The following HERC1 variants were observed in gnomAD, a reference collection of about 807,000 sequenced individuals.
HERC1 encodes probable E3 ubiquitin-protein ligase HERC1.
A neutral mutation model predicts 554.3 loss-of-function variants in HERC1; 160 were observed. The ratio of observed to expected loss-of-function variants is 0.29; its 90% confidence interval spans 0.25 to 0.33. HERC1 has a LOEUF of 0.33. Among genes scored for constraint, HERC1 ranks in the 10% least tolerant of loss-of-function variants. The pLI is 1.00. For synonymous variants in HERC1, 2,175 were observed against 2,131.7 expected (o/e 1.02, Z -0.56); for missense variants, 4,919 against 5,918.5 (o/e 0.83, Z 5.54).
At chr15:63,623,945 A>T in intron 72 of HERC1, 55 bp from the exon 73 acceptor site, 1 of 1,560,512 alleles carries the variant, frequency 6.4e-7, no homozygotes, top group Non-Finnish European at 8.8e-7. Flanking sequence ...TTTCCCCAAA[A>T]TCACATGATA....
rs1003154737 is a variant in HERC1, at chr15:63,785,497, G to A, written c.-26-9848C>T. On this transcript the variant is annotated intron_variant, in intron 1 of 77. Transcript: ENST00000443617. ...ACTTTAAGAATATTAGGCTGGGCAC[G>A]CTGGCTAACACCTGTAATCCCAAGG... 2.6e-5 allele frequency among the ~76,000 whole-genome samples: 4 copies of A among 152,048 alleles called. No individual in the cohort carries two copies. The South Asian group carries it at 6.2e-4, about 24-fold the overall frequency.
intron 55 of HERC1, among the ~76,000 whole-genome samples, chr15:63,646,917 T>G (rs965673276): frequency 5.3e-5 from 8 of 151,890 alleles, no homozygotes; most frequent in African/African-American, 1.7e-4. Flanking sequence ...AACAGGCATA[T>G]GAAAAAATGC....
intron 1 of HERC1, among the ~76,000 whole-genome samples, chr15:63,784,334 A>G (rs899496532): frequency 3.3e-5 from 5 of 152,216 alleles, no homozygotes; most frequent in Non-Finnish European, 7.3e-5. Context: ...AGAATTCACA[A>G]AACAACTAAA....
At chr15:63,658,776 T>C in intron 47 of HERC1, 58 bp from the exon 48 acceptor site, 1 of 1,356,192 alleles carries the variant, frequency 7.4e-7, no homozygotes, top group East Asian at 2.4e-5. Flanking sequence ...ACATCTGAAC[T>C]ACTAAAAACA....
chr15:63,714,545 G>GT (rs773905620), intron 22 of HERC1, among the ~76,000 whole-genome samples: 18,607 of 95,938 alleles, frequency 0.19, 2,115 homozygotes, highest in Non-Finnish European at 0.22. Flanking sequence ...TCCTTTTTCT[G>GT]TTTTTTTTTT....
intron 70 of HERC1, among the ~76,000 whole-genome samples, chr15:63,627,882 A>G (rs144294726): frequency 3.5e-4 from 53 of 152,352 alleles, no homozygotes; most frequent in African/African-American, 1.3e-3. Context: ...ATAATAAATT[A>G]AAAATAAAAC....
chr15:63,637,748 T>C lies in HERC1; in HGVS notation c.12094-105A>G. On this transcript the variant is annotated intron_variant, in intron 63 of 77. Transcript: ENST00000443617. ...TATACATAGAATGCTTTTATAATTG[T>C]TTTATCCTTTTACTGAAAGGGAAGA... is the stretch of plus-strand genomic sequence containing the variant. 3.1e-6 allele frequency: 3 copies of C among 964,692 alleles called. No individual in the cohort carries two copies. The South Asian group carries it at 6.0e-5, about 19-fold the overall frequency. The allele number at this position is 964,692 out of a possible 1,614,324, so 59.8% of individuals were successfully genotyped here.
Position 63,698,810 on chromosome 15 carries a change from C to T in HERC1, c.4823G>A (p.Gly1608Asp). Residue 1608 changes from glycine to aspartate, a missense_variant, in exon 26 of 78, where the codon GGT becomes GAT. Physicochemically the swap from Gly to Asp is moderately conservative, Grantham distance 94. Transcript: ENST00000443617. ...FVSGDVGNAP[G>D]FKEPEESMST... ...CATACTTTCCTCTGGCTCTTTAAAA[C>T]CTGGGGCATTCCCCACATCTCCACT... is the stretch of plus-strand genomic sequence containing the variant. 6.2e-7 allele frequency: 1 copy of T among 1,613,880 alleles called. No homozygotes were observed. Among genetic ancestry groups the T allele is most frequent in the Non-Finnish European group, 8.5e-7 (1 of 1,179,846 alleles).
At chr15:63,770,124 C>G (rs1013122711) in intron 2 of HERC1, among the ~76,000 whole-genome samples, 2 of 152,164 alleles carry the variant, frequency 1.3e-5, no homozygotes, top group African/African-American at 4.8e-5. Context: ...TCAATCTCAT[C>G]TCATTCCATT....
At chr15:63,634,660 AG>A in intron 66 of HERC1, 72 bp downstream of exon 66, 1 of 1,279,598 alleles carries the variant, frequency 7.8e-7, no homozygotes, top group Non-Finnish European at 1.1e-6. Flanking sequence ...GATCTTCCTG[AG>A]GGTGTCTAAG....
Position 63,669,548 on chromosome 15 carries a change from A to G in HERC1, c.8196T>C (p.Ala2732=). ...TSPDSQSARP[A]NRTALSDPSS... ...TATCAGCACACGCACCTGTGCGGTT[A>G]GCTGGCCTTGCTGACTGGGAATCAG... The change falls in exon 40 of 78, where the codon GCT becomes GCC. Residue 2732 remains alanine (A), a synonymous_variant. Coordinates refer to ENST00000443617, the MANE Select transcript of HERC1 (RefSeq NM_003922.4). 1 of 1,613,796 alleles carries G rather than the reference A, an allele frequency of 6.2e-7. No homozygotes were observed. Among genetic ancestry groups the G allele is most frequent in the East Asian group, 2.2e-5 (1 of 44,880 alleles).
chr15:63,790,778 CT>C (rs375859669), intron 1 of HERC1, among the ~76,000 whole-genome samples: 373 of 128,364 alleles, frequency 2.9e-3, no homozygotes, highest in Admixed American at 4.9e-3. Context: ...GTAGGGTTTT[CT>C]TTTTTTTTTT....
At chr15:63,646,392 T>C (rs558730237) in intron 55 of HERC1, among the ~76,000 whole-genome samples, 2 of 152,126 alleles carry the variant, frequency 1.3e-5, no homozygotes, top group African/African-American at 2.4e-5. Context: ...GACTTATCCA[T>C]GTATATCCAT....
intron 70 of HERC1, among the ~76,000 whole-genome samples, chr15:63,627,047 C>G (rs2068331301): frequency 6.6e-6 from 1 of 152,186 alleles, no homozygotes; most frequent in African/African-American, 2.4e-5. Context: ...CTTTACCTGT[C>G]ACACTGGATA....
chr15:63,823,074 T>G (rs1292754835), intron 1 of HERC1, among the ~76,000 whole-genome samples: 1 of 152,094 alleles, frequency 6.6e-6, no homozygotes, highest in Non-Finnish European at 1.5e-5. Flanking sequence ...GTCATGGGGG[T>G]TTGTTGTACA....
chr15:63,626,694 A>G (rs1472990179), intron 70 of HERC1, among the ~76,000 whole-genome samples: 1 of 152,246 alleles, frequency 6.6e-6, no homozygotes, highest in East Asian at 1.9e-4. Flanking sequence ...AGCAAAGACT[A>G]CAAGGCCTGC....
rs1380026427 is a variant in HERC1 at position 63,692,451 on chromosome 15, G to T, written c.5790C>A (p.Thr1930=). ...GAGATGCTATATTTAGAAGCACTTC[G>T]GTCCACTTTGGGGAAGCCATTTTTG... ...IQSKMASPKW[T]EVLLNIASQK... Residue 1930 remains threonine, a synonymous_variant, in exon 31 of 78, where the codon ACC becomes ACA. Transcript: ENST00000443617. The surrounding 1 kb of genome is among the most constrained non-coding windows in gnomAD (Gnocchi z 4.7). 1 of 1,611,998 alleles carries T rather than the reference G, an allele frequency of 6.2e-7. No homozygotes were observed. Among genetic ancestry groups the T allele is most frequent in the East Asian group, 2.2e-5 (1 of 44,838 alleles).
In HERC1 at chr15:63,641,619, C is replaced by T; in HGVS notation, c.11458G>A (p.Ala3820Thr). Residue 3820 changes from alanine (A) to threonine (T), a missense_variant, in exon 60 of 78, where the codon GCA becomes ACA. Around this residue, in one of 11 missense-constraint regions of HERC1, gnomAD observed 1,963 missense variants for 2,228.6 expected, o/e 0.88. Transcript: ENST00000443617. ...SKDVLVVNCT[A>T]EWAAANHVLA... ...ACATGATTGGCAGCTGCCCATTCTG[C>T]TGTACAATTCACGACCAAAACATCC... 6.4e-7 allele frequency: 1 copy of T among 1,563,110 alleles called. No individual in the cohort carries two copies. The highest frequency in any genetic ancestry group is 8.7e-7 in the Non-Finnish European group (1 of 1,151,828).
At chr15:63,658,417 A>G in intron 48 of HERC1, 127 bp downstream of exon 48, 2 of 691,268 alleles carry the variant, frequency 2.9e-6, no homozygotes, top group Non-Finnish European at 2.3e-6. Flanking sequence ...TACGTCTAAC[A>G]TCTTTCATTC....
Sources: gnomAD v4.1 joint callset for allele counts (sites outside exome capture counted in the v4.1 genomes callset) on GRCh38, gnomAD v4.1.1 for gene constraint, gnomAD v4.1.1 regional missense constraint, Gnocchi (gnomAD v3.1) non-coding constraint, MANE v1.5 for transcripts, NCBI Gene and HGNC (gene_info 2026-07-23, HGNC 2026-07-21) for gene names.